PJA2: variants seen among roughly 807,000 people sequenced by gnomAD.
PJA2 encodes E3 ubiquitin-protein ligase Praja-2.
In PJA2, 25 loss-of-function variants were observed where a neutral mutation model predicts 69.3. The ratio of observed to expected loss-of-function variants is 0.36; its 90% CI spans 0.26 to 0.50. The LOEUF (loss-of-function observed/expected upper bound fraction) is 0.50. PJA2 is among the 20% of genes least tolerant of loss of function. The pLI, the probability that PJA2 is intolerant of heterozygous loss-of-function variation, is 0.96. For synonymous variants in PJA2, 308 were observed against 277.8 expected, an observed-to-expected ratio of 1.11 and a Z score of -1.08; for missense variants, 809 against 830.2, an observed-to-expected ratio of 0.97 and a Z score of 0.31.
intron 4 of PJA2, 54 bp from the exon 5 acceptor site, chr5:109,368,800 T>A: frequency 1.3e-6 from 2 of 1,523,292 alleles, no homozygotes; most frequent in South Asian, 2.5e-5. Flanking sequence ...ATTTTTATCA[T>A]TTGGGGTGTT....
chr5:109,409,768 AT>A (rs1747788136), intron 1 of PJA2, 73 bp downstream of exon 1: 1 of 153,720 alleles, frequency 6.5e-6, no homozygotes, highest in Non-Finnish European at 1.4e-5. Flanking sequence ...GAACGCAGCA[AT>A]TTCCTCGCCC....
At chr5:109,342,059 A>G (rs1427913820) in intron 9 of PJA2, among the ~76,000 whole-genome samples, 205 of 91,332 alleles carry the variant, frequency 2.2e-3, no homozygotes, top group Admixed American at 3.2e-3. Flanking sequence ...TGGGGGGGTC[A>G]GCCCTCCGCC....
At chr5:109,384,824 T>G (rs753031277) in intron 1 of PJA2, among the ~76,000 whole-genome samples, 9 of 142,306 alleles carry the variant, frequency 6.3e-5, no homozygotes, top group Non-Finnish European at 1.1e-4. Flanking sequence ...GTGTTTTAAC[T>G]TTTTTTTTTT....
At chr5:109,342,386 G>A (rs1762085765) in intron 9 of PJA2, among the ~76,000 whole-genome samples, 1 of 116,720 alleles carries the variant, frequency 8.6e-6, no homozygotes, top group African/African-American at 3.4e-5. Context: ...GGGGGGGTCG[G>A]CCCCCTGCCC....
intron 1 of PJA2, among the ~76,000 whole-genome samples, chr5:109,408,549 CTT>C (rs1177204931): frequency 1.3e-5 from 2 of 151,462 alleles, no homozygotes; most frequent in Non-Finnish European, 2.9e-5. Flanking sequence ...AAAAAAAAAA[CTT>C]TACGTGTACT....
Position 109,336,067 on chromosome 5 carries a change from T to C in PJA2, c.*1164A>G, listed in dbSNP as rs188856159. The C allele has an allele frequency of 6.6e-6, 1 of 152,612 alleles. No individual in the cohort carries two copies. The highest frequency in any genetic ancestry group is 2.4e-5 in the African/African-American group (1 of 41,458). 9.5% of individuals were successfully genotyped at this position (152,612 alleles called of 1,614,324 possible). ...GAGAAATACACGAATAAGATGTAAC[T>C]CTGCATTTGGGAAGCCATATAAATA... On this transcript the variant is annotated 3_prime_UTR_variant, in exon 10 of 10. Coordinates refer to ENST00000361189, the MANE Select transcript of PJA2 (RefSeq NM_014819.5).
At chr5:109,348,306 A>G (rs1337427984) in intron 7 of PJA2, among the ~76,000 whole-genome samples, 1 of 152,234 alleles carries the variant, frequency 6.6e-6, no homozygotes, top group Non-Finnish European at 1.5e-5. Flanking sequence ...GAGAGCCAGA[A>G]AGCATCCACG....
intron 9 of PJA2, among the ~76,000 whole-genome samples, chr5:109,340,945 A>C (rs1317178401): frequency 1.5e-4 from 19 of 127,962 alleles, no homozygotes; most frequent in Admixed American, 7.2e-4. Flanking sequence ...CTCAGTGCTC[A>C]ATGGTGCCCA....
chr5:109,336,777 A>C lies in PJA2; in HGVS notation c.*454T>G, dbSNP rs1036945481. On this transcript the variant is annotated 3_prime_UTR_variant, in exon 10 of 10. Transcript: ENST00000361189. The stretch of plus-strand genomic sequence containing the variant: ...AAGAGGTTATGATATAGCAAAATCA[A>C]AGGGACTAGTGAAAAAGCATACTTT... 2 of 152,452 alleles carry C rather than the reference A, an allele frequency of 1.3e-5. No individual in the cohort carries two copies. The highest frequency in any genetic ancestry group is 2.9e-5 in the Non-Finnish European group (2 of 68,230). The allele number at this position is 152,452 out of a possible 1,614,324, so 9.4% of individuals were successfully genotyped here. A position where few individuals can be genotyped will look rare whatever the true frequency, so the allele number is the denominator to read the frequency against.
intron 4 of PJA2, among the ~76,000 whole-genome samples, chr5:109,371,864 T>C (rs766292909): frequency 6.6e-5 from 10 of 152,216 alleles, no homozygotes; most frequent in Admixed American, 2.0e-4. Context: ...CCACCACTTA[T>C]TAGCTATGAA....
intron 9 of PJA2, among the ~76,000 whole-genome samples, chr5:109,342,115 C>T (rs1464254451): frequency 7.8e-5 from 10 of 128,976 alleles, no homozygotes; most frequent in Non-Finnish European, 3.5e-5. Context: ...GTCGGCCCCC[C>T]GCCCGGCCAG....
In PJA2 at chr5:109,378,332, T is replaced by G; in HGVS notation, c.1155A>C (p.Thr385=). The G allele has an allele frequency of 6.2e-7, 1 of 1,614,192 alleles. No individual in the cohort carries two copies. ...TTTGGTTATTTTCTGTTTCCCTTTG[T>G]GTAATAACTCTTGAGTATGGTGGAT... ...FLDPPYSRVI[T]QRETENNQMT... The change falls in exon 4 of 10, where the codon ACA becomes ACC. Residue 385 remains threonine, a synonymous_variant. Transcript: ENST00000361189.
intron 7 of PJA2, among the ~76,000 whole-genome samples, chr5:109,353,060 ATATAT>A (rs1371941901): frequency 1.4e-5 from 2 of 144,600 alleles, no homozygotes; most frequent in Admixed American, 1.4e-4. Flanking sequence ...ATAGACATCT[ATATAT>A]TAGATACCTA....
intron 1 of PJA2, among the ~76,000 whole-genome samples, chr5:109,394,039 CTTTTTTTTT>C (rs75679188): frequency 2.4e-5 from 2 of 81,876 alleles, no homozygotes; most frequent in Admixed American, 1.8e-4. Context: ...TTCTAATTCT[CTTTTTTTTT>C]TTTTTTTTTT....
At chr5:109,374,365 T>C (rs577841440) in intron 4 of PJA2, among the ~76,000 whole-genome samples, 26 of 152,372 alleles carry the variant, frequency 1.7e-4, no homozygotes, top group African/African-American at 4.3e-4. Flanking sequence ...GTGCCTTGGC[T>C]GCATATAGAT....
chr5:109,343,857 A>G (rs1255216079), intron 9 of PJA2, among the ~76,000 whole-genome samples: 1 of 152,186 alleles, frequency 6.6e-6, no homozygotes, highest in Non-Finnish European at 1.5e-5. Context: ...GCACTTTGGG[A>G]GGCTGAGGCA....
intron 7 of PJA2, among the ~76,000 whole-genome samples, chr5:109,354,798 T>G (rs898351280): frequency 5.3e-5 from 8 of 150,700 alleles, no homozygotes; most frequent in African/African-American, 1.9e-4. Context: ...GATAGGTACC[T>G]GCTATCTAAC....
chr5:109,354,522 GATATCTATAATATCTATA>G (rs1379449942), intron 7 of PJA2, among the ~76,000 whole-genome samples: 1 of 44,056 alleles, frequency 2.3e-5, no homozygotes, highest in East Asian at 4.2e-4. Flanking sequence ...ATCGATATTA[GATATCTATAATATCTATA>G]GATATCTATA....
chr5:109,402,652 G>C (rs917291682), intron 1 of PJA2, among the ~76,000 whole-genome samples: 1 of 152,112 alleles, frequency 6.6e-6, no homozygotes. Flanking sequence ...GGCCTAACAA[G>C]CATCATCAAT....
Sources: allele counts gnomAD v4.1 joint callset (sites outside exome capture counted in the v4.1 genomes callset), GRCh38; gene constraint gnomAD v4.1.1; transcripts MANE v1.5; gene names NCBI Gene and HGNC (gene_info 2026-07-23, HGNC 2026-07-21).